Variants in CROT observed in about 807,000 individuals in gnomAD.
CROT encodes carnitine O-octanoyltransferase.
In CROT, 84 loss-of-function variants were observed where a neutral mutation model predicts 89.2. The ratio of observed to expected loss-of-function variants is 0.94; its 90% CI spans 0.79 to 1.13. CROT has a LOEUF of 1.13. Ranked by LOEUF, CROT falls within the 50% of genes most tolerant of loss-of-function variation. The probability of loss-of-function intolerance (pLI) is 0.00; values close to 1 mark genes in which losing one functional copy is unlikely to be tolerated. For missense variants in CROT, 711 were observed against 727.8 expected, an observed-to-expected ratio of 0.98 and a Z score of 0.27; for synonymous variants, 212 against 239.5, an observed-to-expected ratio of 0.89 and a Z score of 1.06.
At chr7:87,376,303 T>A (rs1444662555) in intron 9 of CROT, among the ~76,000 whole-genome samples, 4 of 152,148 alleles carry the variant, frequency 2.6e-5, no homozygotes, top group Admixed American at 6.6e-5. Context: ...AATGATAACC[T>A]AATCATAACC....
Position 87,391,646 on chromosome 7 carries a change from G to C in CROT, c.1359G>C (p.Glu453Asp), listed in dbSNP as rs200694475. 22 of 1,611,736 alleles carry C rather than the reference G, an allele frequency of 1.4e-5. No individual in the cohort carries two copies. The East Asian group carries it at 4.7e-4, about 34-fold the overall frequency. ...GACATTTTTATCATGGCCGTACAGA[G>C]ACTATGCGATCATGCACAGTTGAAG... ...MTRHFYHGRTETMRSCTVEAV... is the reference protein window; with the variant it reads ...MTRHFYHGRTDTMRSCTVEAV... Residue 453 changes from glutamate to aspartate, a missense_variant, in exon 14 of 18, where the codon GAG (glutamate) becomes GAC (aspartate). Transcript: ENST00000331536.
At chr7:87,385,632 A>G (rs1010599816) in intron 13 of CROT, among the ~76,000 whole-genome samples, 1 of 152,160 alleles carries the variant, frequency 6.6e-6, no homozygotes, top group Non-Finnish European at 1.5e-5. Flanking sequence ...AGACAGGACA[A>G]TTTGACTTTT....
chr7:87,367,974 T>C (rs1584631312), intron 6 of CROT, among the ~76,000 whole-genome samples: 2 of 152,212 alleles, frequency 1.3e-5, no homozygotes, highest in African/African-American at 4.8e-5. Context: ...GACCACATTA[T>C]CACTCCCTTG....
intron 13 of CROT, among the ~76,000 whole-genome samples, chr7:87,383,099 C>T (rs31632): frequency 0.86 from 131,623 of 152,188 alleles, 57,102 homozygotes; most frequent in Middle Eastern, 0.94. Flanking sequence ...CCATTTATTA[C>T]GTCTTCGTGT....
At chr7:87,375,122 G>A (rs1806766659) in intron 7 of CROT, 1 of 153,418 alleles carries the variant, frequency 6.5e-6, no homozygotes, top group East Asian at 1.9e-4. Context: ...TAACAAAGTG[G>A]CACATATGAA....
chr7:87,389,913 T>C (rs1807307448), intron 13 of CROT, among the ~76,000 whole-genome samples: 2 of 152,338 alleles, frequency 1.3e-5, no homozygotes, highest in African/African-American at 2.4e-5. Flanking sequence ...TTTTTTTATA[T>C]AGAAGATATG....
At chr7:87,397,099 A>G (rs1314165142) in intron 17 of CROT, among the ~76,000 whole-genome samples, 2 of 152,166 alleles carry the variant, frequency 1.3e-5, no homozygotes, top group East Asian at 3.8e-4. Flanking sequence ...CACGCCTGTA[A>G]TCCCAGCACT....
chr7:87,378,055 G>T (rs912287175), intron 10 of CROT, among the ~76,000 whole-genome samples: 1 of 151,934 alleles, frequency 6.6e-6, no homozygotes, highest in Non-Finnish European at 1.5e-5. Context: ...TTTATAAAGG[G>T]GTTTGGGGCT....
chr7:87,362,400 G>T (rs1025765363), intron 6 of CROT, among the ~76,000 whole-genome samples: 6 of 151,156 alleles, frequency 4.0e-5, no homozygotes, highest in African/African-American at 1.5e-4. Context: ...GGGCACAAGT[G>T]GTCTTCCTGC....
Position 87,398,824 on chromosome 7 carries a change from A to C in CROT, c.*180A>C, listed in dbSNP as rs1807644363. The C allele has an allele frequency of 1.6e-6, 1 of 618,178 alleles. No individual in the cohort carries two copies. The highest frequency in any genetic ancestry group is 3.3e-5 in the Admixed American group (1 of 30,700). The allele number at this position is 618,178 out of a possible 1,614,324, so 38.3% of individuals were successfully genotyped here. On this transcript the variant is annotated 3_prime_UTR_variant, in exon 18 of 18. Transcript: ENST00000331536. ...CTCTCTAAATTTATTCTGCCATAGA[A>C]GGTAGAAATATTTTTAAGCTCCTCT... is the stretch of plus-strand genomic sequence containing the variant.
chr7:87,387,203 G>A (rs978287338), intron 13 of CROT, among the ~76,000 whole-genome samples: 2 of 151,918 alleles, frequency 1.3e-5, no homozygotes, highest in Admixed American at 6.6e-5. Flanking sequence ...GTGGGGAAGA[G>A]TGAAGCCAGA....
At chr7:87,351,178 G>A (rs183880998) in intron 3 of CROT, among the ~76,000 whole-genome samples, 17 of 151,330 alleles carry the variant, frequency 1.1e-4, no homozygotes, top group Non-Finnish European at 1.9e-4. Context: ...GCGTGGTGGC[G>A]GGCCCTTGTA....
In CROT at chr7:87,383,062, C is replaced by T. The variant is rs551522774; in HGVS notation, c.1301+519C>T. 5.3e-5 allele frequency among the ~76,000 whole-genome samples: 8 copies of T among 152,274 alleles called. No homozygotes were observed. In the East Asian group the frequency reaches 9.6e-4, roughly 18 times the overall value. On this transcript the variant is annotated intron_variant, in intron 13 of 17. Coordinates refer to ENST00000331536, the MANE Select transcript of CROT (RefSeq NM_021151.4). Reference sequence around the variant, plus strand: ...CATAAAATGTGTAATGGTCAAATCACGGTAATTGGGATGTCCACTGCCTCA... The same window carrying T: ...CATAAAATGTGTAATGGTCAAATCATGGTAATTGGGATGTCCACTGCCTCA...
rs761870754 is a variant in CROT at position 87,359,603 on chromosome 7, G to A, written c.240+273G>A. On this transcript the variant is annotated intron_variant, in intron 4 of 17. Coordinates refer to ENST00000331536, the MANE Select transcript of CROT (RefSeq NM_021151.4). ...TCTTATTTTAACAATCACTTCATGT[G>A]GTTTGGCTGCAGGTAATCTGTAGAC... 755 of 1,184,112 alleles carry A rather than the reference G, an allele frequency of 6.4e-4. 1 individual carries two copies. The highest frequency in any genetic ancestry group is 7.5e-4 in the Non-Finnish European group (712 of 954,188). The allele number at this position is 1,184,112 out of a possible 1,614,324, so 73.4% of individuals were successfully genotyped here.
At chr7:87,361,028 G>C (rs538228617) in intron 4 of CROT, among the ~76,000 whole-genome samples, 1 of 152,092 alleles carries the variant, frequency 6.6e-6, no homozygotes, top group Non-Finnish European at 1.5e-5. Flanking sequence ...GAGTGCAGTG[G>C]TGCAATCATA....
chr7:87,378,696 G>A (rs1806888773), intron 10 of CROT, among the ~76,000 whole-genome samples: 1 of 152,172 alleles, frequency 6.6e-6, no homozygotes, highest in South Asian at 2.1e-4. Context: ...CTCATCAGTT[G>A]TGATTGGCCT....
intron 3 of CROT, among the ~76,000 whole-genome samples, chr7:87,356,772 C>G (rs1806086808): frequency 6.6e-6 from 1 of 152,146 alleles, no homozygotes; most frequent in Non-Finnish European, 1.5e-5. Flanking sequence ...TCTGTAATCC[C>G]AGTACTTTGG....
chr7:87,356,704 A>T (rs1255356900), intron 3 of CROT, among the ~76,000 whole-genome samples: 1 of 152,196 alleles, frequency 6.6e-6, no homozygotes, highest in Non-Finnish European at 1.5e-5. Context: ...GTGTAAAAGC[A>T]TCTGAGTCCT....
At chr7:87,358,690 T>C (rs1806178795) in intron 3 of CROT, among the ~76,000 whole-genome samples, 2 of 152,122 alleles carry the variant, frequency 1.3e-5, no homozygotes, top group South Asian at 4.1e-4. Context: ...TTCATCCTGA[T>C]GGTTTTCATG....
Sources: gnomAD v4.1 joint callset for allele counts (sites outside exome capture counted in the v4.1 genomes callset) on GRCh38, gnomAD v4.1.1 for gene constraint, MANE v1.5 for transcripts, NCBI Gene and HGNC (gene_info 2026-07-23, HGNC 2026-07-21) for gene names.